Variants in ACBD6 observed in about 807,000 individuals in gnomAD.
ACBD6 encodes acyl-CoA-binding domain-containing protein 6.
In ACBD6, 28 loss-of-function variants were observed where a neutral mutation model predicts 37.2. The ratio of observed to expected loss-of-function variants is 0.75; its 90% CI spans 0.56 to 1.03. ACBD6 has a LOEUF of 1.03. Ranked by LOEUF, ACBD6 falls within the 50% of genes least tolerant of loss-of-function variation. ACBD6 has a pLI of 0.00. For synonymous variants in ACBD6, 113 were observed against 126.8 expected (o/e 0.89, Z 0.73); for missense variants, 340 against 337.4 (o/e 1.01, Z -0.06).
intron 10 of ACBD6, chr1:180,274,500 C>T (rs748780131): frequency 2.5e-6 from 4 of 1,613,438 alleles, no homozygotes; most frequent in African/African-American, 2.7e-5. Context: ...GACATCTCCA[C>T]AGGAAGCAGT....
chr1:180,450,246 A>G (rs1649650194), intron 3 of ACBD6, among the ~76,000 whole-genome samples: 1 of 152,222 alleles, frequency 6.6e-6, no homozygotes, highest in Non-Finnish European at 1.5e-5. Flanking sequence ...TGTTCTAAAG[A>G]GAGAAAAGTT....
At chr1:180,371,494 C>G (rs1016572713) in intron 6 of ACBD6, among the ~76,000 whole-genome samples, 1 of 152,080 alleles carries the variant, frequency 6.6e-6, no homozygotes, top group Non-Finnish European at 1.5e-5. Flanking sequence ...TCTCATCTTC[C>G]CGACAGCTCT....
chr1:180,468,971 T>A (rs186270851), intron 3 of ACBD6, among the ~76,000 whole-genome samples: 1 of 152,324 alleles, frequency 6.6e-6, no homozygotes, highest in East Asian at 1.9e-4. Context: ...ACAGAACACC[T>A]GCTTGCCATC....
At chr1:180,398,078 A>ACAG (rs1654331257) in intron 5 of ACBD6, among the ~76,000 whole-genome samples, 1 of 151,904 alleles carries the variant, frequency 6.6e-6, no homozygotes, top group African/African-American at 2.4e-5. Flanking sequence ...AACAACAACA[A>ACAG]CAACAACAAC....
intron 3 of ACBD6, among the ~76,000 whole-genome samples, chr1:180,475,334 G>A (rs1400366412): frequency 1.3e-5 from 2 of 151,942 alleles, no homozygotes; most frequent in Non-Finnish European, 2.9e-5. Context: ...TTGTATCCCC[G>A]GGCAACCACT....
chr1:180,278,494 C>G (rs970476373), intron 9 of ACBD6: 1 of 152,106 alleles, frequency 6.6e-6, no homozygotes, highest in Non-Finnish European at 1.5e-5. Flanking sequence ...CAGTTTCATG[C>G]TGCTAGCTCT....
chr1:180,356,907 TA>T (rs1652653211), intron 6 of ACBD6, among the ~76,000 whole-genome samples: 1 of 151,718 alleles, frequency 6.6e-6, no homozygotes, highest in Non-Finnish European at 1.5e-5. Flanking sequence ...TTATATATTA[TA>T]ATCTAATTCC....
chr1:180,319,665 C>T (rs1020705472), intron 6 of ACBD6, among the ~76,000 whole-genome samples: 5 of 152,148 alleles, frequency 3.3e-5, no homozygotes, highest in East Asian at 1.9e-4. Flanking sequence ...CAACCCTTCC[C>T]AGCCTCTAGT....
intron 3 of ACBD6, among the ~76,000 whole-genome samples, chr1:180,454,103 C>T (rs552065726): frequency 4.1e-4 from 63 of 152,286 alleles, no homozygotes; most frequent in Non-Finnish European, 7.4e-4. Context: ...CTGGAGGCAT[C>T]ACGCTACCTG....
At chr1:180,490,953 G>A (rs1268516286) in intron 3 of ACBD6, among the ~76,000 whole-genome samples, 2 of 106,064 alleles carry the variant, frequency 1.9e-5, no homozygotes, top group Non-Finnish European at 1.7e-5. Flanking sequence ...GTGAGACTCT[G>A]TCTCATATAA....
chr1:180,345,736 T>C (rs1333085814), intron 6 of ACBD6, among the ~76,000 whole-genome samples: 1 of 152,156 alleles, frequency 6.6e-6, no homozygotes, highest in African/African-American at 2.4e-5. Flanking sequence ...AATGTTTTTA[T>C]ACTAAGATCT....
At position 180,450,652 on chromosome 1, in the gene ACBD6, C is replaced by T. The variant is rs528709579; in HGVS notation, c.385-20390G>A. ...GCAGGCGCCTGTAGTCCCAGCTATT[C>T]GGGAGGCTGAGGCAGAAGAATGGCG... On this transcript the variant is annotated intron_variant, in intron 3 of 7. Transcript: ENST00000367595. Among the ~76,000 whole-genome samples, 196 of 152,056 alleles carry T rather than the reference C, an allele frequency of 1.3e-3. 1 individual carries two copies. The highest frequency in any genetic ancestry group is 3.4e-3 in the Middle Eastern group (1 of 294).
At chr1:180,313,690 T>C (rs958757688) in intron 7 of ACBD6, among the ~76,000 whole-genome samples, 4 of 152,174 alleles carry the variant, frequency 2.6e-5, no homozygotes, top group African/African-American at 9.6e-5. Flanking sequence ...TCAGCCATAT[T>C]CACACCCAAA....
intron 3 of ACBD6, among the ~76,000 whole-genome samples, chr1:180,490,961 T>TAA (rs67650274): frequency 3.0e-4 from 28 of 93,810 alleles, no homozygotes; most frequent in Non-Finnish European, 4.3e-4. Flanking sequence ...CTGTCTCATA[T>TAA]AAAAAAAAAA....
chr1:180,419,844 G>A (rs1281828138), intron 4 of ACBD6, among the ~76,000 whole-genome samples: 1 of 152,174 alleles, frequency 6.6e-6, no homozygotes, highest in Non-Finnish European at 1.5e-5. Context: ...TCTCAGCACT[G>A]GCAGAGGCAG....
intron 9 of ACBD6, chr1:180,278,215 C>T (rs1649156347): frequency 6.6e-6 from 1 of 152,146 alleles, no homozygotes; most frequent in Non-Finnish European, 1.5e-5. Context: ...AAACACTGCA[C>T]TTTAAAAATT....
chr1:180,397,523 T>C lies in ACBD6; in HGVS notation c.656A>G (p.Asn219Ser). 6.2e-7 allele frequency: 1 copy of C among 1,613,464 alleles called. No homozygotes were observed. The highest frequency in any genetic ancestry group is 8.5e-7 in the Non-Finnish European group (1 of 1,179,386). ...TVLLQHRADI[N>S]CQDNEGQTAL... ...CTTCTTTATCACTCTTACCTGACAG[T>C]TAATGTCAGCTCTATGTTGCAGCAA... The change falls in exon 6 of 8, where the codon AAC (asparagine) becomes AGC (serine). Residue 219 changes from asparagine to serine, a missense_variant. By Grantham distance (46) the Asn-to-Ser change is conservative. Transcript: ENST00000367595.
intron 6 of ACBD6, among the ~76,000 whole-genome samples, chr1:180,338,854 T>A (rs1490662644): frequency 6.6e-6 from 1 of 151,986 alleles, no homozygotes; most frequent in African/African-American, 2.4e-5. Flanking sequence ...AACAACCCCA[T>A]CAAAAAGTGG....
intron 7 of ACBD6, among the ~76,000 whole-genome samples, chr1:180,302,560 A>G (rs1401501289): frequency 6.6e-6 from 1 of 151,774 alleles, no homozygotes. Context: ...TTTGTTTTCC[A>G]TTTGCTTGGT....
Sources: gnomAD v4.1 joint callset for allele counts (sites outside exome capture counted in the v4.1 genomes callset) on GRCh38, gnomAD v4.1.1 for gene constraint, MANE v1.5 for transcripts, NCBI Gene and HGNC (gene_info 2026-07-23, HGNC 2026-07-21) for gene names.